The following ZNF736 variants were observed in gnomAD, a reference collection of about 807,000 sequenced individuals.
ZNF736 encodes zinc finger protein 736.
In ZNF736, 6 loss-of-function variants were observed where a neutral mutation model predicts 11.7. That is an observed-to-expected ratio of 0.51 (90% CI 0.28 to 1.01). The LOEUF is 1.01. Among genes scored for constraint, ZNF736 ranks in the 50% least tolerant of loss-of-function variants. ZNF736 has a pLI of 0.09. For synonymous variants in ZNF736, 139 were observed against 164.7 expected, an observed-to-expected ratio of 0.84 and a Z score of 1.19; for missense variants, 444 against 496.0, an observed-to-expected ratio of 0.90 and a Z score of 1.00.
chr7:64,350,458 T>A lies in ZNF736; in HGVS notation c.*1311T>A, dbSNP rs1489240386. ...GTTTTTTCCGTCAGTTCCTGCAATT[T>A]TTTTTCCTCCCTTGCATTGGGTTGC... On this transcript the variant is annotated 3_prime_UTR_variant, in exon 4 of 4. Coordinates refer to ENST00000423484, the MANE Select transcript of ZNF736 (RefSeq NM_001170905.3). 2.0e-5 allele frequency: 3 copies of A among 152,236 alleles called. No individual in the cohort carries two copies. The highest frequency in any genetic ancestry group is 2.9e-5 in the Non-Finnish European group (2 of 68,048). The allele number at this position is 152,236 out of a possible 1,614,324, so 9.4% of individuals were successfully genotyped here.
intron 1 of ZNF736, among the ~76,000 whole-genome samples, chr7:64,333,200 G>A (rs1294625407): frequency 1.3e-5 from 2 of 152,140 alleles, no homozygotes; most frequent in South Asian, 2.1e-4. Flanking sequence ...CTGACTTCCC[G>A]CAACACGCTA....
At position 64,335,234 on chromosome 7, in the gene ZNF736, A is replaced by G. The variant is rs933269740; in HGVS notation, c.4-1025A>G. Among the ~76,000 whole-genome samples the G allele has an allele frequency of 5.9e-5, 9 of 152,230 alleles. No homozygotes were observed. The East Asian group carries it at 1.2e-3, about 20-fold the overall frequency. On this transcript the variant is annotated intron_variant, in intron 1 of 3. Coordinates refer to ENST00000423484, the MANE Select transcript of ZNF736 (RefSeq NM_001170905.3). ...AGATGACGGGTTGATAGGTGCAGCA[A>G]TCCACCATGACACATGTATACCTAT...
intron 1 of ZNF736, among the ~76,000 whole-genome samples, chr7:64,319,489 CT>C (rs1220637935): frequency 2.3e-3 from 129 of 55,722 alleles, no homozygotes; most frequent in Non-Finnish European, 3.4e-3. Context: ...CATTTCTTCC[CT>C]TTTTTTTTTT....
At chr7:64,323,564 G>A (rs764979688) in intron 1 of ZNF736, among the ~76,000 whole-genome samples, 2 of 152,136 alleles carry the variant, frequency 1.3e-5, no homozygotes, top group Non-Finnish European at 2.9e-5. Context: ...GGCATAAGAA[G>A]GAAAAAGATC....
intron 1 of ZNF736, among the ~76,000 whole-genome samples, chr7:64,314,578 A>G (rs1419807512): frequency 6.6e-6 from 1 of 151,848 alleles, no homozygotes; most frequent in Non-Finnish European, 1.5e-5. Flanking sequence ...CCTTTTTTAA[A>G]TTTATTTATT....
intron 1 of ZNF736, among the ~76,000 whole-genome samples, chr7:64,331,326 A>G (rs1466111826): frequency 1.3e-5 from 2 of 152,138 alleles, no homozygotes; most frequent in Non-Finnish European, 2.9e-5. Flanking sequence ...GCTTTCTGCT[A>G]TGACAGGCAG....
rs1242022974 is a variant in ZNF736, at chr7:64,350,399, A to G, written c.*1252A>G. 6.6e-6 allele frequency: 1 copy of G among 152,086 alleles called. No individual in the cohort carries two copies. The highest frequency in any genetic ancestry group is 2.4e-5 in the African/African-American group (1 of 41,404). 9.4% of individuals were successfully genotyped at this position (152,086 alleles called of 1,614,324 possible). On this transcript the variant is annotated 3_prime_UTR_variant, in exon 4 of 4. Coordinates refer to ENST00000423484, the MANE Select transcript of ZNF736 (RefSeq NM_001170905.3). ...GTTTTGTATTGTGTTTTTCAGTTCT[A>G]TCAGGTTGGCCACATTTTTTCTCCA...
At chr7:64,315,009 C>T (rs1314517569) in intron 1 of ZNF736, among the ~76,000 whole-genome samples, 1 of 152,206 alleles carries the variant, frequency 6.6e-6, no homozygotes, top group Non-Finnish European at 1.5e-5. Flanking sequence ...TAGTTTAGCA[C>T]CATTCCTCTT....
At chr7:64,341,009 A>G (rs1789329018) in intron 3 of ZNF736, among the ~76,000 whole-genome samples, 1 of 135,762 alleles carries the variant, frequency 7.4e-6, no homozygotes, top group African/African-American at 2.8e-5. Context: ...TTAGTTACAT[A>G]TTCCGTGTTG....
Position 64,354,047 on chromosome 7 carries a change from T to C in ZNF736, c.*4900T>C, listed in dbSNP as rs1025414706. ...ACTAACATCTCTAGTGATCCCTTTG[T>C]CAGTGGTCTTTAACTTAAAATAATT... On this transcript the variant is annotated 3_prime_UTR_variant, in exon 4 of 4. Coordinates refer to ENST00000423484, the MANE Select transcript of ZNF736 (RefSeq NM_001170905.3). The C allele has an allele frequency of 1.6e-4, 24 of 152,328 alleles. No individual in the cohort carries two copies. The highest frequency in any genetic ancestry group is 1.4e-3 in the Admixed American group (21 of 15,300). 9.4% of individuals were successfully genotyped at this position (152,328 alleles called of 1,614,324 possible). A position where few individuals can be genotyped will look rare whatever the true frequency, so the allele number is the denominator to read the frequency against.
At chr7:64,316,241 T>A (rs536552856) in intron 1 of ZNF736, among the ~76,000 whole-genome samples, 1 of 152,364 alleles carries the variant, frequency 6.6e-6, no homozygotes, top group African/African-American at 2.4e-5. Flanking sequence ...GATGCCCTCG[T>A]GCTGAGAGCA....
chr7:64,329,640 C>A (rs1031030774), intron 1 of ZNF736, among the ~76,000 whole-genome samples: 9 of 152,084 alleles, frequency 5.9e-5, no homozygotes, highest in African/African-American at 1.9e-4. Flanking sequence ...TGCTGAGCTA[C>A]CTGGAGCTGG....
At chr7:64,325,545 A>G (rs1789072124) in intron 1 of ZNF736, among the ~76,000 whole-genome samples, 1 of 152,192 alleles carries the variant, frequency 6.6e-6, no homozygotes, top group African/African-American at 2.4e-5. Context: ...CCTACTGGAA[A>G]TCAGATGTCC....
Position 64,353,007 on chromosome 7 carries a change from G to A in ZNF736, c.*3860G>A, listed in dbSNP as rs1789510844. ...TTCAGGGGTGTAACCTGCTTTGCTCGAGTTGCAGCTACTTTTTCTGGGAAG... is the reference window on the plus strand; with the variant it reads ...TTCAGGGGTGTAACCTGCTTTGCTCAAGTTGCAGCTACTTTTTCTGGGAAG... On this transcript the variant is annotated 3_prime_UTR_variant, in exon 4 of 4. Coordinates refer to ENST00000423484, the MANE Select transcript of ZNF736 (RefSeq NM_001170905.3). 6.6e-6 allele frequency: 1 copy of A among 152,332 alleles called. No homozygotes were observed. The highest frequency in any genetic ancestry group is 2.1e-4 in the South Asian group (1 of 4,834). 9.4% of individuals were successfully genotyped at this position (152,332 alleles called of 1,614,324 possible).
At chr7:64,337,057 A>G (rs1195089875) in intron 3 of ZNF736, 75 bp downstream of exon 3, 3 of 1,217,320 alleles carry the variant, frequency 2.5e-6, no homozygotes, top group South Asian at 1.3e-5. Context: ...ACCTTTAAAC[A>G]TGCTTCCAGA....
chr7:64,324,093 C>T lies in ZNF736; in HGVS notation c.3+9940C>T, dbSNP rs565985292. Among the ~76,000 whole-genome samples the T allele has an allele frequency of 1.8e-4, 27 of 152,260 alleles. No individual in the cohort carries two copies. The South Asian group carries it at 4.1e-3, about 23-fold the overall frequency. On this transcript the variant is annotated intron_variant, in intron 1 of 3. Transcript: ENST00000423484. ...GCTTCCATCTATTCCTACCACATAT[C>T]CATTTTTGCTGATTTTGTTCATTTT...
intron 1 of ZNF736, among the ~76,000 whole-genome samples, chr7:64,335,661 C>T (rs1180883564): frequency 6.6e-6 from 1 of 152,200 alleles, no homozygotes; most frequent in Non-Finnish European, 1.5e-5. Context: ...TTTCTTCCTA[C>T]CTTCTCTTTG....
intron 1 of ZNF736, among the ~76,000 whole-genome samples, chr7:64,316,724 C>T (rs1188690780): frequency 6.6e-6 from 1 of 150,906 alleles, no homozygotes; most frequent in African/African-American, 2.4e-5. Flanking sequence ...TGGATTTTAT[C>T]ATTAGAGCTT....
At chr7:64,346,659 T>A (rs1051268580) in intron 3 of ZNF736, among the ~76,000 whole-genome samples, 2 of 152,148 alleles carry the variant, frequency 1.3e-5, no homozygotes, top group Non-Finnish European at 2.9e-5. Context: ...GTGTTATGTC[T>A]TGTTAGAAAT....
Sources: gnomAD v4.1 joint callset for allele counts (sites outside exome capture counted in the v4.1 genomes callset) on GRCh38, gnomAD v4.1.1 for gene constraint, MANE v1.5 for transcripts, NCBI Gene and HGNC (gene_info 2026-07-23, HGNC 2026-07-21) for gene names.